The following PVT1 variants were observed in gnomAD, a reference collection of about 807,000 sequenced individuals.
PVT1 encodes the protein Pvt1 oncogene, also known as CXCR4/PVT1 fusion.
chr8:127,871,612 G>A (rs1472761998), intron 2 of PVT1, among the ~76,000 whole-genome samples: 1 of 152,008 alleles, frequency 6.6e-6, no homozygotes, highest in African/African-American at 2.4e-5. Context: ...GAGGAGAAGA[G>A]ATCAAGATAC....
In PVT1 at chr8:127,883,658, G is replaced by T. The variant is rs1034420711; in HGVS notation, n.373-6931G>T. Reference sequence around the variant, plus strand: ...AAATTAAAAAAATAAAATAAAAAAAGAATTCCTATTTTAACTTTGGAAAAA... The same window carrying T: ...AAATTAAAAAAATAAAATAAAAAAATAATTCCTATTTTAACTTTGGAAAAA... On this transcript the variant is annotated intron_variant and non_coding_transcript_variant, in intron 2 of 10. Coordinates refer to ENST00000651587, the Ensembl canonical transcript of PVT1. Among the ~76,000 whole-genome samples the T allele has an allele frequency of 5.9e-5, 9 of 151,744 alleles. No individual in the cohort carries two copies. In the East Asian group the frequency reaches 7.7e-4, roughly 13 times the overall value.
At chr8:127,862,610 A>T (rs1815240462) in intron 2 of PVT1, among the ~76,000 whole-genome samples, 2 of 152,140 alleles carry the variant, frequency 1.3e-5, no homozygotes, top group South Asian at 4.1e-4. Flanking sequence ...TTTTGTACAC[A>T]TGAGGTCTCA....
At chr8:127,808,715 GTATT>G (rs1349295040) in intron 2 of PVT1, among the ~76,000 whole-genome samples, 2 of 152,012 alleles carry the variant, frequency 1.3e-5, no homozygotes, top group Non-Finnish European at 2.9e-5. Flanking sequence ...GATGAGTTTG[GTATT>G]TATTTTGGAG....
intron 2 of PVT1, among the ~76,000 whole-genome samples, chr8:127,863,090 ATTTATTTATTTAT>A (rs1815246304): frequency 8.0e-6 from 1 of 124,912 alleles, no homozygotes; most frequent in Non-Finnish European, 1.6e-5. Context: ...TTATTTATTT[ATTTATTTATTTAT>A]TTATTTATTT....
chr8:127,979,843 C>G (rs1816863394), intron 3 of PVT1, among the ~76,000 whole-genome samples: 1 of 146,246 alleles, frequency 6.8e-6, no homozygotes, highest in Non-Finnish European at 1.5e-5. Flanking sequence ...TTAGAAGAAG[C>G]CTGGATGGAG....
At chr8:127,904,746 C>A (rs1006193868) in intron 3 of PVT1, among the ~76,000 whole-genome samples, 1 of 152,174 alleles carries the variant, frequency 6.6e-6, no homozygotes, top group Non-Finnish European at 1.5e-5. Context: ...ATGGGGAGCA[C>A]CTGGGCCTGT....
chr8:128,081,463 C>A (rs1814176914), intron 5 of PVT1, among the ~76,000 whole-genome samples: 2 of 152,188 alleles, frequency 1.3e-5, no homozygotes, highest in African/African-American at 2.4e-5. Context: ...TAGGAAACTG[C>A]CATAGCTATA....
chr8:128,020,356 A>G (rs866411631), intron 4 of PVT1, among the ~76,000 whole-genome samples: 1 of 152,334 alleles, frequency 6.6e-6, no homozygotes, highest in Middle Eastern at 3.4e-3. Flanking sequence ...CAATCCAATC[A>G]CACGGGCCCT....
intron 4 of PVT1, among the ~76,000 whole-genome samples, chr8:128,033,310 CAT>C (rs201823694): frequency 0.016 from 2,440 of 152,190 alleles, 61 homozygotes; most frequent in African/African-American, 0.055. Context: ...GCCTGGTTCC[CAT>C]GTGTGTGTGC....
intron 2 of PVT1, among the ~76,000 whole-genome samples, chr8:127,889,156 G>A (rs1815567762): frequency 7.1e-6 from 1 of 140,714 alleles, no homozygotes; most frequent in Non-Finnish European, 1.5e-5. Flanking sequence ...TTGAGATAGA[G>A]TCTCATTCTG....
intron 3 of PVT1, among the ~76,000 whole-genome samples, chr8:127,945,575 A>C (rs533589085): frequency 9.2e-5 from 14 of 152,226 alleles, no homozygotes; most frequent in Non-Finnish European, 1.3e-4. Context: ...CAAAGGCAGC[A>C]TGAATCCTCA....
At chr8:127,797,307 C>T (rs973896298) in intron 2 of PVT1, among the ~76,000 whole-genome samples, 1 of 152,200 alleles carries the variant, frequency 6.6e-6, no homozygotes, top group African/African-American at 2.4e-5. Flanking sequence ...ACTGGGATTA[C>T]AGGTGCCACA....
intron 4 of PVT1, among the ~76,000 whole-genome samples, chr8:128,039,933 C>T (rs1303655051): frequency 6.6e-6 from 1 of 152,130 alleles, no homozygotes; most frequent in Non-Finnish European, 1.5e-5. Context: ...AAATATGATC[C>T]CGATTGTTGA....
chr8:128,015,867 T>C (rs1817367598), intron 4 of PVT1, among the ~76,000 whole-genome samples: 1 of 151,696 alleles, frequency 6.6e-6, no homozygotes, highest in South Asian at 2.1e-4. Flanking sequence ...CTCTTCCATG[T>C]TGTTGTTCTG....
intron 4 of PVT1, among the ~76,000 whole-genome samples, chr8:128,045,998 G>A (rs1813607737): frequency 6.6e-6 from 1 of 152,132 alleles, no homozygotes; most frequent in Non-Finnish European, 1.5e-5. Context: ...TGGAGTTTGA[G>A]GACCACAGTC....
chr8:127,973,706 C>T (rs1377425227), intron 3 of PVT1, among the ~76,000 whole-genome samples: 2 of 149,692 alleles, frequency 1.3e-5, no homozygotes, highest in East Asian at 2.0e-4. Flanking sequence ...AGGCCAAACA[C>T]GGTGGCTCAC....
chr8:127,907,217 CCTCGGCCTCCCAAAGTG>C (rs1279397483), intron 3 of PVT1, among the ~76,000 whole-genome samples: 2 of 151,882 alleles, frequency 1.3e-5, no homozygotes, highest in Non-Finnish European at 2.9e-5. Flanking sequence ...AATCTGCCAG[CCTCGGCCTCCCAAAGTG>C]CTGGGATTAC....
At chr8:127,909,241 C>A (rs1815861311) in intron 3 of PVT1, among the ~76,000 whole-genome samples, 1 of 152,234 alleles carries the variant, frequency 6.6e-6, no homozygotes, top group South Asian at 2.1e-4. Context: ...TGCCTATTGG[C>A]TACTTTTGCT....
chr8:127,918,080 C>T (rs541449291), intron 3 of PVT1, among the ~76,000 whole-genome samples: 11 of 152,340 alleles, frequency 7.2e-5, no homozygotes, highest in South Asian at 6.2e-4. Context: ...AGACCTCATG[C>T]GCTCTGCAGC....
Sources: gnomAD v4.1 joint callset for allele counts (sites outside exome capture counted in the v4.1 genomes callset) on GRCh38, gnomAD v4.1.1 for gene constraint, MANE v1.5 for transcripts, NCBI Gene and HGNC (gene_info 2026-07-23, HGNC 2026-07-21) for gene names.